MTF2: variants seen among roughly 807,000 people sequenced by gnomAD.
MTF2 encodes metal response element binding transcription factor 2.
In MTF2, 11 loss-of-function variants were observed where a neutral mutation model predicts 79.5. The observed-to-expected ratio is 0.14, with a 90% CI of 0.09 to 0.23. MTF2 has a LOEUF of 0.23. MTF2 is among the 10% of genes least tolerant of loss of function. MTF2 has a pLI of 1.00. For synonymous variants in MTF2, 208 were observed against 232.8 expected (o/e 0.89, Z 0.97); for missense variants, 486 against 711.2 (o/e 0.68, Z 3.60).
At chr1:93,088,887 A>T (rs577894778) in intron 1 of MTF2, among the ~76,000 whole-genome samples, 34 of 152,222 alleles carry the variant, frequency 2.2e-4, no homozygotes, top group African/African-American at 2.9e-4. Context: ...TACAATTTTT[A>T]AAAAAATCTT....
At chr1:93,135,735 CAGG>C (rs1647363553) in intron 14 of MTF2, among the ~76,000 whole-genome samples, 1 of 152,172 alleles carries the variant, frequency 6.6e-6, no homozygotes, top group Admixed American at 6.5e-5. Flanking sequence ...TACTTGAGCC[CAGG>C]AGGTCAGGGC....
In MTF2 at chr1:93,136,769, C is replaced by T. The variant is rs1647419285; in HGVS notation, c.1524C>T (p.Leu508=). The T allele has an allele frequency of 1.9e-6, 3 of 1,614,034 alleles. No individual in the cohort carries two copies. Among genetic ancestry groups the T allele is most frequent in the African/African-American group, 2.7e-5 (2 of 74,984 alleles). ...RRRGRLPRRA[L]QTQNSEIVKD... is the part of the protein sequence containing the mutation. ...GAGGTCGTCTTCCAAGAAGAGCACTCCAGACTCAGAACTCAGAAATTGTAA... is the reference window on the plus strand; with the variant it reads ...GAGGTCGTCTTCCAAGAAGAGCACTTCAGACTCAGAACTCAGAAATTGTAA... Residue 508 remains leucine, a synonymous_variant, in exon 15 of 15, where the codon CTC becomes CTT. Coordinates refer to ENST00000370298, the MANE Select transcript of MTF2 (RefSeq NM_007358.4).
chr1:93,137,120 A>T lies in MTF2; in HGVS notation c.*93A>T. On this transcript the variant is annotated 3_prime_UTR_variant, in exon 15 of 15. Coordinates refer to ENST00000370298, the MANE Select transcript of MTF2 (RefSeq NM_007358.4). ...AGTCTGGCTTTTACTATCTTTCTTAAAAAAAAAAAAAAGTCAAAAAAATTC... is the reference window on the plus strand; with the variant it reads ...AGTCTGGCTTTTACTATCTTTCTTATAAAAAAAAAAAAGTCAAAAAAATTC... The T allele has an allele frequency of 3.3e-6, 3 of 920,634 alleles. No individual in the cohort carries two copies. Among genetic ancestry groups the T allele is most frequent in the Non-Finnish European group, 4.6e-6 (3 of 651,156 alleles). The allele number at this position is 920,634 out of a possible 1,614,324, so 57.0% of individuals were successfully genotyped here. A position where few individuals can be genotyped will look rare whatever the true frequency, so the allele number is the denominator to read the frequency against.
intron 11 of MTF2, among the ~76,000 whole-genome samples, chr1:93,132,365 C>T (rs1656955926): frequency 6.6e-6 from 1 of 152,120 alleles, no homozygotes; most frequent in South Asian, 2.1e-4. Context: ...AAAAATTCCA[C>T]AAGCTTTTTC....
intron 9 of MTF2, among the ~76,000 whole-genome samples, chr1:93,123,103 CATTA>C (rs1464542277): frequency 2.0e-5 from 3 of 151,462 alleles, no homozygotes; most frequent in Non-Finnish European, 2.9e-5. Flanking sequence ...TATAAAATGC[CATTA>C]ATTATTTTCA....
intron 1 of MTF2, among the ~76,000 whole-genome samples, chr1:93,102,864 G>T (rs1313867580): frequency 6.6e-6 from 1 of 152,078 alleles, no homozygotes; most frequent in Non-Finnish European, 1.5e-5. Context: ...AGGCACGGTG[G>T]CTCACGCCTG....
chr1:93,118,476 T>G, intron 7 of MTF2, 36 bp downstream of exon 7: 1 of 1,423,096 alleles, frequency 7.0e-7, no homozygotes, highest in Non-Finnish European at 9.6e-7. Flanking sequence ...GGCTGATTTT[T>G]GTCACTTTTT....
intron 10 of MTF2, among the ~76,000 whole-genome samples, chr1:93,128,555 CAAA>C (rs5776171): frequency 2.4e-3 from 268 of 113,780 alleles, no homozygotes; most frequent in Middle Eastern, 4.2e-3. Context: ...GACTCTGTCT[CAAA>C]AAAAAAAAAA....
chr1:93,100,059 A>T (rs1272471988), intron 1 of MTF2, among the ~76,000 whole-genome samples: 2 of 152,202 alleles, frequency 1.3e-5, no homozygotes, highest in Admixed American at 6.5e-5. Flanking sequence ...CAACTTCAAT[A>T]GCAAGAAGTC....
At chr1:93,099,959 G>A (rs1386865677) in intron 1 of MTF2, among the ~76,000 whole-genome samples, 1 of 152,172 alleles carries the variant, frequency 6.6e-6, no homozygotes, top group South Asian at 2.1e-4. Context: ...TGTACAATAA[G>A]TAAAACTTAC....
At chr1:93,099,248 G>T (rs1387317352) in intron 1 of MTF2, among the ~76,000 whole-genome samples, 10 of 152,054 alleles carry the variant, frequency 6.6e-5, no homozygotes, top group African/African-American at 2.4e-4. Context: ...ACTGTCACTG[G>T]ACAACTAAGG....
At chr1:93,131,148 C>CT (rs1656903757) in intron 11 of MTF2, among the ~76,000 whole-genome samples, 1 of 151,904 alleles carries the variant, frequency 6.6e-6, no homozygotes, top group South Asian at 2.1e-4. Context: ...GGGATCATGT[C>CT]CTGATATCAT....
chr1:93,098,273 G>C (rs1313991584), intron 1 of MTF2, among the ~76,000 whole-genome samples: 1 of 152,158 alleles, frequency 6.6e-6, no homozygotes, highest in Non-Finnish European at 1.5e-5. Flanking sequence ...GCTAAGTCTT[G>C]ATGAAGTTTT....
intron 4 of MTF2, 61 bp downstream of exon 4, chr1:93,114,844 CT>C: frequency 2.2e-6 from 3 of 1,369,952 alleles, no homozygotes; most frequent in Non-Finnish European, 3.0e-6. Flanking sequence ...AGATTAATGA[CT>C]AAAAATACTT....
intron 3 of MTF2, 134 bp downstream of exon 3, chr1:93,110,760 A>T: frequency 1.4e-6 from 1 of 714,150 alleles, no homozygotes; most frequent in Non-Finnish European, 2.4e-6. Flanking sequence ...GAGGTTAAAA[A>T]ATCAGCATAG....
intron 1 of MTF2, among the ~76,000 whole-genome samples, chr1:93,100,291 ATGTTTGTT>A (rs111329307): frequency 2.6e-3 from 398 of 151,296 alleles, no homozygotes; most frequent in African/African-American, 8.6e-3. Context: ...ATGTGGCATT[ATGTTTGTT>A]TGTTTGTTTG....
intron 6 of MTF2, among the ~76,000 whole-genome samples, chr1:93,116,079 C>A (rs1656236862): frequency 6.6e-6 from 1 of 152,096 alleles, no homozygotes; most frequent in African/African-American, 2.4e-5. Context: ...ATTTTCATTT[C>A]TTTCTTAAAG....
At chr1:93,094,461 A>C (rs1448588660) in intron 1 of MTF2, among the ~76,000 whole-genome samples, 1 of 152,086 alleles carries the variant, frequency 6.6e-6, no homozygotes, top group Non-Finnish European at 1.5e-5. Flanking sequence ...TTAATTTACT[A>C]GTTTTAAAAT....
chr1:93,101,568 G>GCTTTTTTTTTT (rs1655535897), intron 1 of MTF2, among the ~76,000 whole-genome samples: 1 of 25,398 alleles, frequency 3.9e-5, no homozygotes, highest in Non-Finnish European at 6.6e-5. Flanking sequence ...GCTCAGGCTG[G>GCTTTTTTTTTT]TTTTTTTTTT....
Sources: allele counts gnomAD v4.1 joint callset (sites outside exome capture counted in the v4.1 genomes callset), GRCh38; gene constraint gnomAD v4.1.1; transcripts MANE v1.5; gene names NCBI Gene and HGNC (gene_info 2026-07-23, HGNC 2026-07-21).